Variants in PTPRK observed in about 807,000 individuals in gnomAD.
PTPRK encodes the protein receptor-type tyrosine-protein phosphatase kappa.
In PTPRK, 75 loss-of-function variants were observed where a neutral mutation model predicts 178.0. The observed-to-expected ratio is 0.42, with a 90% CI of 0.35 to 0.51. The LOEUF (loss-of-function observed/expected upper bound fraction) is 0.51. PTPRK is among the 20% of genes least tolerant of loss of function. The pLI is 0.02. For missense variants in PTPRK, 1,441 were observed against 1,797.8 expected (o/e 0.80, Z 3.59); for synonymous variants, 637 against 620.6 (o/e 1.03, Z -0.39).
At chr6:128,419,663 A>G (rs555962516) in intron 1 of PTPRK, among the ~76,000 whole-genome samples, 5 of 152,324 alleles carry the variant, frequency 3.3e-5, no homozygotes, top group African/African-American at 4.8e-5. Flanking sequence ...TGGAAATTCA[A>G]TAGGAAACCA....
chr6:128,166,177 G>T (rs1799368496), intron 7 of PTPRK, among the ~76,000 whole-genome samples: 1 of 151,600 alleles, frequency 6.6e-6, no homozygotes, highest in South Asian at 2.1e-4. Context: ...TTGCCTGAAG[G>T]TTATGCATTA....
intron 1 of PTPRK, among the ~76,000 whole-genome samples, chr6:128,499,384 T>C (rs546850286): frequency 2.6e-5 from 4 of 152,348 alleles, no homozygotes; most frequent in African/African-American, 9.6e-5. Flanking sequence ...TCATAGTAAC[T>C]TACATATGTG....
chr6:128,339,923 G>C (rs745395064), intron 2 of PTPRK, among the ~76,000 whole-genome samples: 1 of 152,074 alleles, frequency 6.6e-6, no homozygotes, highest in Non-Finnish European at 1.5e-5. Flanking sequence ...AGTAAGAGAG[G>C]TAGTTTTGGC....
chr6:128,100,132 A>C (rs1788546118), intron 7 of PTPRK, among the ~76,000 whole-genome samples: 1 of 152,042 alleles, frequency 6.6e-6, no homozygotes, highest in Non-Finnish European at 1.5e-5. Flanking sequence ...AAAGAATTAC[A>C]AAACTGCAAA....
chr6:127,979,069 A>T (rs1774943771), intron 25 of PTPRK, among the ~76,000 whole-genome samples: 1 of 152,138 alleles, frequency 6.6e-6, no homozygotes, highest in South Asian at 2.1e-4. Context: ...TACAGAAAAA[A>T]AGACAAGCTT....
intron 13 of PTPRK, among the ~76,000 whole-genome samples, chr6:128,029,959 G>C (rs1373937288): frequency 2.0e-5 from 3 of 152,152 alleles, no homozygotes; most frequent in Non-Finnish European, 4.4e-5. Flanking sequence ...AGAGAGGAAA[G>C]TAGGGTAGGA....
chr6:128,187,192 G>A (rs1160542060), intron 6 of PTPRK, among the ~76,000 whole-genome samples: 1 of 151,568 alleles, frequency 6.6e-6, no homozygotes, highest in African/African-American at 2.4e-5. Flanking sequence ...AAAATAAGGA[G>A]AAAACCTAAG....
intron 5 of PTPRK, among the ~76,000 whole-genome samples, chr6:128,227,853 TA>T (rs1184771344): frequency 4.6e-5 from 7 of 151,858 alleles, no homozygotes; most frequent in Non-Finnish European, 1.0e-4. Flanking sequence ...AATTAGAAAT[TA>T]AAGAAATATC....
rs1858652833 is a variant in PTPRK at position 128,519,478 on chromosome 6, C to A, written c.100+781G>T. ...GGATCCGGGGAGCGCGGGGCCAGAG[C>A]CCCAGGCCGGATCCGGGGAGCGCGG... On this transcript the variant is annotated intron_variant, in intron 1 of 29. Transcript: ENST00000368226. The surrounding 1 kb of genome is among the most constrained non-coding windows in gnomAD (Gnocchi z 4.3). Among the ~76,000 whole-genome samples the A allele has an allele frequency of 1.3e-5, 2 of 152,084 alleles. No homozygotes were observed. Among genetic ancestry groups the A allele is most frequent in the Admixed American group, 1.3e-4 (2 of 15,242 alleles).
intron 6 of PTPRK, among the ~76,000 whole-genome samples, chr6:128,204,826 T>C (rs146742277): frequency 9.0e-4 from 137 of 152,222 alleles, no homozygotes; most frequent in African/African-American, 3.1e-3. Context: ...GAATGTAAAT[T>C]AGCTCAACCC....
chr6:128,005,393 G>A (rs1384859939), intron 14 of PTPRK, 149 bp from the exon 15 acceptor site: 1 of 602,394 alleles, frequency 1.7e-6, no homozygotes, highest in Non-Finnish European at 2.7e-6. Flanking sequence ...CAGGAATTAA[G>A]TTTGACATTC....
At chr6:128,490,695 G>GT (rs1469042268) in intron 1 of PTPRK, among the ~76,000 whole-genome samples, 1 of 152,170 alleles carries the variant, frequency 6.6e-6, no homozygotes, top group African/African-American at 2.4e-5. Context: ...AAATGTGTAT[G>GT]TATTAGTATA....
At chr6:128,326,633 T>C (rs1466381546) in intron 2 of PTPRK, among the ~76,000 whole-genome samples, 3 of 152,176 alleles carry the variant, frequency 2.0e-5, no homozygotes, top group African/African-American at 7.2e-5. Context: ...CATATTTGTG[T>C]TAAATAATTA....
At chr6:128,229,861 T>C (rs542369764) in intron 5 of PTPRK, among the ~76,000 whole-genome samples, 3 of 152,340 alleles carry the variant, frequency 2.0e-5, no homozygotes, top group East Asian at 3.9e-4. Context: ...ATAGCAAAGA[T>C]TGGAGCATGT....
At chr6:128,088,450 G>A (rs1438263684) in intron 8 of PTPRK, among the ~76,000 whole-genome samples, 1 of 151,968 alleles carries the variant, frequency 6.6e-6, no homozygotes, top group Non-Finnish European at 1.5e-5. Flanking sequence ...TTAGAAGGGG[G>A]TGGAACCTCA....
At chr6:128,082,959 C>T (rs1785085702) in intron 9 of PTPRK, among the ~76,000 whole-genome samples, 1 of 151,962 alleles carries the variant, frequency 6.6e-6, no homozygotes, top group Non-Finnish European at 1.5e-5. Flanking sequence ...GCATATGAAA[C>T]ACAGAAAGTG....
chr6:128,233,854 C>A (rs1349954635), intron 5 of PTPRK, among the ~76,000 whole-genome samples: 2 of 152,152 alleles, frequency 1.3e-5, no homozygotes, highest in African/African-American at 4.8e-5. Context: ...CCACACAATT[C>A]CCTACTTTCA....
At chr6:128,143,924 A>T (rs1054759533) in intron 7 of PTPRK, among the ~76,000 whole-genome samples, 1 of 152,204 alleles carries the variant, frequency 6.6e-6, no homozygotes, top group Non-Finnish European at 1.5e-5. Flanking sequence ...ACTAGTTCAC[A>T]TTCAATTTTT....
At chr6:128,162,535 A>G (rs1798848618) in intron 7 of PTPRK, among the ~76,000 whole-genome samples, 1 of 151,718 alleles carries the variant, frequency 6.6e-6, no homozygotes, top group Non-Finnish European at 1.5e-5. Flanking sequence ...ATCCAAATAT[A>G]TTTAGAAATA....
Sources: gnomAD v4.1 joint callset for allele counts (sites outside exome capture counted in the v4.1 genomes callset) on GRCh38, gnomAD v4.1.1 for gene constraint, Gnocchi (gnomAD v3.1) non-coding constraint, MANE v1.5 for transcripts, NCBI Gene and HGNC (gene_info 2026-07-23, HGNC 2026-07-21) for gene names.